The following RNGTT variants were observed in gnomAD, a reference collection of about 807,000 sequenced individuals.
RNGTT encodes mRNA-capping enzyme.
Under a neutral mutation model 79.3 loss-of-function variants are expected in RNGTT, and 33 were observed. The observed-to-expected ratio is 0.42, with a 90% CI of 0.32 to 0.56. RNGTT has a LOEUF of 0.56. RNGTT is among the 20% of genes least tolerant of loss of function. The probability of loss-of-function intolerance (pLI) is 0.17; values close to 1 mark genes in which losing one functional copy is unlikely to be tolerated. For synonymous variants in RNGTT, 222 were observed against 235.9 expected, an observed-to-expected ratio of 0.94 and a Z score of 0.54; for missense variants, 497 against 739.1, an observed-to-expected ratio of 0.67 and a Z score of 3.80.
At chr6:88,963,306 T>C (rs747933495) in intron 1 of RNGTT, 40 bp downstream of exon 1, 18 of 1,606,558 alleles carry the variant, frequency 1.1e-5, no homozygotes, top group Non-Finnish European at 1.4e-5. Flanking sequence ...CCCGGGCACG[T>C]TGGAGTGTGG....
chr6:88,812,031 G>T (rs1400368278), intron 11 of RNGTT, among the ~76,000 whole-genome samples: 1 of 152,080 alleles, frequency 6.6e-6, no homozygotes. Context: ...TCTGTACTCT[G>T]AATGTCCTTC....
chr6:88,695,291 T>C (rs1222896234), intron 13 of RNGTT, among the ~76,000 whole-genome samples: 1 of 151,932 alleles, frequency 6.6e-6, no homozygotes, highest in Non-Finnish European at 1.5e-5. Context: ...CCAAAATATA[T>C]AAGGAACTCA....
At chr6:88,806,782 T>C (rs780870064) in intron 11 of RNGTT, among the ~76,000 whole-genome samples, 1 of 152,166 alleles carries the variant, frequency 6.6e-6, no homozygotes, top group African/African-American at 2.4e-5. Context: ...ATTATAAAGA[T>C]ATATGCATGT....
intron 2 of RNGTT, among the ~76,000 whole-genome samples, chr6:88,933,889 C>T: frequency 6.6e-6 from 1 of 152,176 alleles, no homozygotes; most frequent in East Asian, 1.9e-4. Flanking sequence ...TATAGCAGTT[C>T]TACTTTTAGT....
chr6:88,837,151 G>A (rs1045359529), intron 11 of RNGTT, among the ~76,000 whole-genome samples: 3 of 152,198 alleles, frequency 2.0e-5, no homozygotes, highest in Middle Eastern at 3.4e-3. Context: ...CCAACACTTC[G>A]GGAAGCCAAG....
chr6:88,908,698 C>T (rs1783736940), intron 4 of RNGTT, among the ~76,000 whole-genome samples: 1 of 152,198 alleles, frequency 6.6e-6, no homozygotes, highest in Non-Finnish European at 1.5e-5. Context: ...CAAAACACCA[C>T]CATAGGGCCC....
At chr6:88,763,468 A>G (rs1778339484) in intron 13 of RNGTT, among the ~76,000 whole-genome samples, 1 of 152,318 alleles carries the variant, frequency 6.6e-6, no homozygotes, top group South Asian at 2.1e-4. Flanking sequence ...ACTGTTTGCC[A>G]CACTGGCTGC....
At chr6:88,761,070 G>A (rs1289054789) in intron 13 of RNGTT, among the ~76,000 whole-genome samples, 2 of 149,290 alleles carry the variant, frequency 1.3e-5, no homozygotes, top group African/African-American at 2.5e-5. Context: ...CTAGTCAGCA[G>A]AGTAAAAAGA....
chr6:88,812,324 T>A (rs1780165119), intron 11 of RNGTT, among the ~76,000 whole-genome samples: 2 of 152,234 alleles, frequency 1.3e-5, no homozygotes, highest in Non-Finnish European at 1.5e-5. Flanking sequence ...CTAGAAAATA[T>A]ACCCTCTTAA....
At chr6:88,872,387 T>C (rs759778179) in intron 8 of RNGTT, among the ~76,000 whole-genome samples, 57 of 152,054 alleles carry the variant, frequency 3.7e-4, no homozygotes, top group Admixed American at 1.0e-3. Context: ...TGCAATCTGA[T>C]AGACGACATT....
At chr6:88,652,912 T>C (rs576397478) in intron 14 of RNGTT, among the ~76,000 whole-genome samples, 6 of 152,306 alleles carry the variant, frequency 3.9e-5, no homozygotes, top group Non-Finnish European at 5.9e-5. Flanking sequence ...CACTCTTTTA[T>C]AATGGATTAG....
chr6:88,771,724 T>C (rs1562244603), intron 12 of RNGTT, among the ~76,000 whole-genome samples: 1 of 152,120 alleles, frequency 6.6e-6, no homozygotes, highest in South Asian at 2.1e-4. Context: ...ATCTTAACAA[T>C]GTTCTGTAGT....
intron 14 of RNGTT, among the ~76,000 whole-genome samples, chr6:88,627,900 AC>A (rs1404233805): frequency 7.9e-5 from 12 of 152,128 alleles, no homozygotes; most frequent in African/African-American, 2.9e-4. Flanking sequence ...TCTCACTGAG[AC>A]CTTCTGACCA....
rs184492447 is a variant in RNGTT, at chr6:88,874,976, C to T, written c.896+15519G>A. Among the ~76,000 whole-genome samples the T allele has an allele frequency of 3.6e-3, 540 of 152,106 alleles. 9 individuals carry two copies. The highest frequency in any genetic ancestry group is 0.013 in the African/African-American group (523 of 41,530). On this transcript the variant is annotated intron_variant, in intron 8 of 15. Coordinates refer to ENST00000369485, the MANE Select transcript of RNGTT (RefSeq NM_003800.5). ...ATACATAGTTTTGTTATATCTCTTA[C>T]TACATCTTAAATTGTACTTCATTTT...
chr6:88,834,682 A>G (rs557748992), intron 11 of RNGTT, among the ~76,000 whole-genome samples: 1 of 152,314 alleles, frequency 6.6e-6, no homozygotes, highest in African/African-American at 2.4e-5. Context: ...CAAACAATAC[A>G]ACACTGATAC....
intron 13 of RNGTT, among the ~76,000 whole-genome samples, chr6:88,707,967 T>C (rs1398200858): frequency 6.6e-6 from 1 of 151,678 alleles, no homozygotes. Flanking sequence ...AAAATCAAGA[T>C]CTAAGTAGAC....
At chr6:88,877,854 T>C (rs1419236862) in intron 8 of RNGTT, among the ~76,000 whole-genome samples, 3 of 152,114 alleles carry the variant, frequency 2.0e-5, no homozygotes. Context: ...TCCCATCCAG[T>C]TGCAAGGAAA....
At chr6:88,762,242 C>T (rs754140388) in intron 13 of RNGTT, among the ~76,000 whole-genome samples, 7 of 152,246 alleles carry the variant, frequency 4.6e-5, no homozygotes, top group East Asian at 1.9e-4. Context: ...ACTTGGAAAA[C>T]GAATTTCCAC....
intron 11 of RNGTT, among the ~76,000 whole-genome samples, chr6:88,812,281 T>C (rs904946961): frequency 6.6e-6 from 1 of 152,320 alleles, no homozygotes; most frequent in Admixed American, 6.5e-5. Context: ...TGAATCCTAT[T>C]TGACAAGTTA....
Sources: gnomAD v4.1 joint callset for allele counts (sites outside exome capture counted in the v4.1 genomes callset) on GRCh38, gnomAD v4.1.1 for gene constraint, MANE v1.5 for transcripts, NCBI Gene and HGNC (gene_info 2026-07-23, HGNC 2026-07-21) for gene names.